The following PLXNA2 variants were observed in gnomAD, a reference collection of about 807,000 sequenced individuals.
PLXNA2 encodes the protein plexin-A2.
PLXNA2 carries 91 observed loss-of-function variants against 193.5 expected under a neutral mutation model. That is an observed-to-expected ratio of 0.47 (90% CI 0.40 to 0.56). The LOEUF (loss-of-function observed/expected upper bound fraction) is 0.56. PLXNA2 is among the 20% of genes least tolerant of loss of function. The pLI is 0.00. For missense variants in PLXNA2, 1,995 were observed against 2,503.2 expected (o/e 0.80, Z 4.33); for synonymous variants, 997 against 1,027.3 (o/e 0.97, Z 0.56).
At chr1:208,173,085 C>G (rs1352207670) in intron 3 of PLXNA2, among the ~76,000 whole-genome samples, 1 of 152,194 alleles carries the variant, frequency 6.6e-6, no homozygotes, top group African/African-American at 2.4e-5. Flanking sequence ...CCTGGCTTTA[C>G]CACTAACAAG....
chr1:208,107,480 A>C (rs1054847235), intron 4 of PLXNA2, among the ~76,000 whole-genome samples: 2 of 152,112 alleles, frequency 1.3e-5, no homozygotes. Flanking sequence ...TGCATCTATG[A>C]AGTCCATAAA....
At chr1:208,129,054 A>C (rs1668065699) in intron 4 of PLXNA2, among the ~76,000 whole-genome samples, 1 of 152,196 alleles carries the variant, frequency 6.6e-6, no homozygotes, top group African/African-American at 2.4e-5. Flanking sequence ...GGGGAGACAG[A>C]AGCAGCCCAG....
intron 12 of PLXNA2, among the ~76,000 whole-genome samples, chr1:208,075,297 G>T (rs1666110938): frequency 8.2e-6 from 1 of 121,968 alleles, no homozygotes; most frequent in African/African-American, 3.0e-5. Flanking sequence ...GCGATAGAGT[G>T]AGACTCTGTC....
chr1:208,078,440 T>C (rs527975906), intron 12 of PLXNA2, among the ~76,000 whole-genome samples: 1 of 152,298 alleles, frequency 6.6e-6, no homozygotes, highest in East Asian at 1.9e-4. Flanking sequence ...GTGCAGCAGC[T>C]CAGGGAAGAG....
Position 208,038,225 on chromosome 1 carries a change from G to C in PLXNA2, c.4764+146C>G. ...TCAGTAATTCCAATGGGCAGCCATG[G>C]CTAAGAATCCCTGTTCTATGCTCCA... On this transcript the variant is annotated intron_variant, in intron 26 of 31. Transcript: ENST00000367033. This position sits in a 1 kb window ranked among gnomAD's most constrained non-coding sequence, Gnocchi z 4.1. The C allele has an allele frequency of 3.1e-6, 2 of 637,206 alleles. No homozygotes were observed. The highest frequency in any genetic ancestry group is 2.8e-6 in the Non-Finnish European group (1 of 352,122). The allele number at this position is 637,206 out of a possible 1,614,324, so 39.5% of individuals were successfully genotyped here.
chr1:208,029,656 A>G (rs1229184332), intron 29 of PLXNA2: 3 of 987,088 alleles, frequency 3.0e-6, no homozygotes, highest in South Asian at 9.4e-5. Context: ...AGTGGAGGCC[A>G]TTGTTGGCAT....
intron 3 of PLXNA2, among the ~76,000 whole-genome samples, chr1:208,203,883 A>G (rs528739756): frequency 6.6e-6 from 1 of 152,360 alleles, no homozygotes; most frequent in Admixed American, 6.5e-5. Flanking sequence ...TAACTGAGTA[A>G]TAACCCCAGG....
intron 4 of PLXNA2, among the ~76,000 whole-genome samples, chr1:208,115,387 T>A (rs1431444134): frequency 6.6e-6 from 1 of 152,184 alleles, no homozygotes; most frequent in Non-Finnish European, 1.5e-5. Flanking sequence ...CAGACTGCTA[T>A]ATATATAAGT....
chr1:208,194,031 G>C (rs2102569666), intron 3 of PLXNA2, among the ~76,000 whole-genome samples: 1 of 152,114 alleles, frequency 6.6e-6, no homozygotes, highest in South Asian at 2.1e-4. Flanking sequence ...GGGGTTCATA[G>C]CTTAGGGCGC....
chr1:208,100,355 CAAAG>C (rs1213117121), intron 5 of PLXNA2, among the ~76,000 whole-genome samples: 1 of 149,672 alleles, frequency 6.7e-6, no homozygotes, highest in Non-Finnish European at 1.5e-5. Flanking sequence ...GACCTTATCT[CAAAG>C]AAAAAAAAAA....
chr1:208,170,964 G>T (rs1028366652), intron 3 of PLXNA2, among the ~76,000 whole-genome samples: 8 of 152,222 alleles, frequency 5.3e-5, no homozygotes, highest in African/African-American at 1.7e-4. Context: ...GAATATTATA[G>T]AGGATGGTCT....
Position 208,225,721 on chromosome 1 carries a change from G to A in PLXNA2, c.-80-7719C>T, listed in dbSNP as rs77546773. On this transcript the variant is annotated intron_variant, in intron 1 of 31. Transcript: ENST00000367033. ...ATAAAAAGGGGGAAATGTGGAGCCT[G>A]AGACAGACACTCACAGAGGCCAGGT... Among the ~76,000 whole-genome samples the A allele has an allele frequency of 2.4e-3, 371 of 152,274 alleles. 12 individuals carry two copies. In the East Asian group the frequency reaches 0.061, roughly 25 times the overall value.
At chr1:208,080,774 T>C (rs1666312691) in intron 11 of PLXNA2, among the ~76,000 whole-genome samples, 1 of 152,238 alleles carries the variant, frequency 6.6e-6, no homozygotes, top group African/African-American at 2.4e-5. Flanking sequence ...TGAGCTCATT[T>C]GATCCTCACG....
intron 1 of PLXNA2, among the ~76,000 whole-genome samples, chr1:208,231,376 T>C (rs761517537): frequency 6.6e-6 from 1 of 151,838 alleles, no homozygotes; most frequent in South Asian, 2.1e-4. Flanking sequence ...GGAGAAAGAA[T>C]GTGGAGGTCA....
chr1:208,060,391 A>C (rs1265395391), intron 13 of PLXNA2, among the ~76,000 whole-genome samples: 2 of 152,088 alleles, frequency 1.3e-5, no homozygotes, highest in Non-Finnish European at 1.5e-5. Flanking sequence ...GCTGGGGGAG[A>C]CCTAGGAGGA....
chr1:208,206,044 C>A (rs1012138465), intron 3 of PLXNA2, among the ~76,000 whole-genome samples: 1 of 152,142 alleles, frequency 6.6e-6, no homozygotes. Flanking sequence ...TAGCACCTAC[C>A]TCATAGAGTT....
At chr1:208,033,972 T>C (rs1398475681) in intron 27 of PLXNA2, among the ~76,000 whole-genome samples, 1 of 152,188 alleles carries the variant, frequency 6.6e-6, no homozygotes, top group Non-Finnish European at 1.5e-5. Context: ...TTCAGTCCTG[T>C]GGTGCCCTTT....
chr1:208,186,651 C>T (rs1411096877), intron 3 of PLXNA2, among the ~76,000 whole-genome samples: 1 of 151,752 alleles, frequency 6.6e-6, no homozygotes, highest in East Asian at 1.9e-4. Flanking sequence ...GTAGGTGGCC[C>T]CACATCTGTA....
intron 3 of PLXNA2, among the ~76,000 whole-genome samples, chr1:208,193,125 G>A (rs188936660): frequency 2.8e-4 from 43 of 152,312 alleles, no homozygotes; most frequent in Non-Finnish European, 5.9e-4. Flanking sequence ...GATTTTGTAA[G>A]GGAGGGTCAT....
Sources: allele counts gnomAD v4.1 joint callset (sites outside exome capture counted in the v4.1 genomes callset), GRCh38; gene constraint gnomAD v4.1.1; non-coding constraint Gnocchi (gnomAD v3.1); transcripts MANE v1.5; gene names NCBI Gene and HGNC (gene_info 2026-07-23, HGNC 2026-07-21).